Variants in NLRP11 observed in about 807,000 individuals in gnomAD.
The protein encoded by NLRP11 is NACHT, LRR and PYD domains-containing protein 11.
A neutral mutation model predicts 79.3 loss-of-function variants in NLRP11; 53 were observed. The observed-to-expected ratio is 0.67, with a 90% CI of 0.54 to 0.84. The LOEUF is 0.84. NLRP11 is among the 40% of genes least tolerant of loss of function. The pLI is 0.00. For synonymous variants in NLRP11, 518 were observed against 462.6 expected, an observed-to-expected ratio of 1.12 and a Z score of -1.54; for missense variants, 1,264 against 1,255.0, an observed-to-expected ratio of 1.01 and a Z score of -0.11.
chr19:55,811,547 C>G (rs947878601), intron 2 of NLRP11, among the ~76,000 whole-genome samples: 1 of 152,112 alleles, frequency 6.6e-6, no homozygotes, highest in African/African-American at 2.4e-5. Context: ...TGGAGATGAG[C>G]CTGATGGATC....
upstream of NLRP11, among the ~76,000 whole-genome samples, chr19:55,833,699 A>C (rs1250289855): frequency 2.3e-5 from 3 of 131,528 alleles, no homozygotes; most frequent in Non-Finnish European, 4.7e-5. Flanking sequence ...GCCCGGGAGG[A>C]GGAGCTTGCA....
chr19:55,785,953 T>C, intron 9 of NLRP11, 82 bp from the exon 10 acceptor site: 1 of 1,398,654 alleles, frequency 7.1e-7, no homozygotes, highest in Non-Finnish European at 9.8e-7. Flanking sequence ...ATTCCCCATA[T>C]GGCATCCTTT....
At chr19:55,790,692 T>C (rs1344528444) in intron 7 of NLRP11, among the ~76,000 whole-genome samples, 1 of 152,198 alleles carries the variant, frequency 6.6e-6, no homozygotes, top group African/African-American at 2.4e-5. Flanking sequence ...AAAAGTTGGG[T>C]GGTGCATTCC....
rs1165449394 is a variant in NLRP11, at chr19:55,827,503, C to T, written c.-63+4460G>A. ...AACCTACAAAATGGGAGAAAATTTT[C>T]GCAACCTACTCATCTGACAAAGGGC... On this transcript the variant is annotated intron_variant, in intron 1 of 9. Coordinates refer to ENST00000589093, the Ensembl canonical transcript of NLRP11. Among the ~76,000 whole-genome samples the T allele has an allele frequency of 1.5e-4, 23 of 150,372 alleles. No homozygotes were observed. In the East Asian group the frequency reaches 2.2e-3, roughly 14 times the overall value.
chr19:55,795,060 T>A (rs1978694562), intron 6 of NLRP11, among the ~76,000 whole-genome samples: 2 of 152,180 alleles, frequency 1.3e-5, no homozygotes, highest in African/African-American at 4.8e-5. Flanking sequence ...ACCGAGCTAC[T>A]TACTGTTTTG....
chr19:55,797,250 G>T (rs1283003945), intron 5 of NLRP11, among the ~76,000 whole-genome samples: 2 of 152,022 alleles, frequency 1.3e-5, no homozygotes, highest in East Asian at 1.9e-4. Context: ...AGTGAGCTAT[G>T]ATCATACCAA....
At chr19:55,791,932 G>A (rs900696258) in intron 7 of NLRP11, among the ~76,000 whole-genome samples, 9 of 152,092 alleles carry the variant, frequency 5.9e-5, no homozygotes, top group Admixed American at 2.0e-4. Context: ...CCCCATGATC[G>A]CCAACCCCAA....
chr19:55,815,695 G>C (rs1981050100), intron 2 of NLRP11, among the ~76,000 whole-genome samples: 1 of 152,152 alleles, frequency 6.6e-6, no homozygotes, highest in Non-Finnish European at 1.5e-5. Context: ...GTTCCCATTT[G>C]TGTATAAAGA....
Position 55,792,287 on chromosome 19 carries a change from T to C in NLRP11, c.2513+14A>G, listed in dbSNP as rs913380957. The C allele has an allele frequency of 9.9e-6, 16 of 1,611,578 alleles. No homozygotes were observed. Among genetic ancestry groups the C allele is most frequent in the Non-Finnish European group, 1.4e-5 (16 of 1,178,040 alleles). ...TAGAAACACAGTCATCCAGGACAAC[T>C]GTGGGAGACTTACTGAAGCTCCTCT... On this transcript the variant is annotated intron_variant, in intron 7 of 9. Coordinates refer to ENST00000589093, the Ensembl canonical transcript of NLRP11.
At chr19:55,831,684 C>T (rs1173091097) in intron 1 of NLRP11, among the ~76,000 whole-genome samples, 1 of 151,972 alleles carries the variant, frequency 6.6e-6, no homozygotes, top group Non-Finnish European at 1.5e-5. Flanking sequence ...ACCCACAGTG[C>T]ACATACACTT....
Position 55,809,701 on chromosome 19 carries a change from C to A in NLRP11, c.909G>T (p.Gly303=), listed in dbSNP as rs752623615. 6.2e-7 allele frequency: 1 copy of A among 1,614,174 alleles called. No homozygotes were observed. The highest frequency in any genetic ancestry group is 1.1e-5 in the South Asian group (1 of 91,072). The stretch of plus-strand genomic sequence containing the variant: ...AAGAGTTAAAATATATCTCCCTCTT[C>A]CCATTCGACAGCTGCAAGGTCGTGC... The change falls in exon 3 of 10, where the codon GGG becomes GGT. Residue 303 remains glycine (G), a synonymous_variant. Transcript: ENST00000589093. This position sits in a 1 kb window ranked among gnomAD's most constrained non-coding sequence, Gnocchi z 4.5.
At chr19:55,817,820 G>GAAAAAAAAA in intron 2 of NLRP11, 84 bp downstream of exon 2, 1 of 835,516 alleles carries the variant, frequency 1.2e-6, no homozygotes, top group Non-Finnish European at 1.8e-6. Flanking sequence ...AACCTATTTA[G>GAAAAAAAAA]AAAAAAAAAA....
intron 1 of NLRP11, among the ~76,000 whole-genome samples, chr19:55,824,204 A>G (rs1056997213): frequency 6.9e-5 from 10 of 145,602 alleles, no homozygotes; most frequent in African/African-American, 1.8e-4. Context: ...TTTACAGACA[A>G]GCAAATGCTG....
rs536211589 is a variant in NLRP11, at chr19:55,813,092, C to T, written c.272-2754G>A. ...CCTGTAATCACAGCACTTTGGGAGG[C>T]GAAGGCGGGCAGATCACCTGAGGTC... is the stretch of plus-strand genomic sequence containing the variant. On this transcript the variant is annotated intron_variant, in intron 2 of 9. Transcript: ENST00000589093. Among the ~76,000 whole-genome samples the T allele has an allele frequency of 1.9e-4, 29 of 152,210 alleles. 1 individual carries two copies. The East Asian group carries it at 4.6e-3, about 24-fold the overall frequency.
chr19:55,806,559 G>A (rs1159257680), intron 4 of NLRP11, among the ~76,000 whole-genome samples: 3 of 152,072 alleles, frequency 2.0e-5, no homozygotes, highest in Non-Finnish European at 2.9e-5. Context: ...ATTCTCACCT[G>A]GCAAATGCCA....
intron 7 of NLRP11, 54 bp downstream of exon 7, chr19:55,792,247 C>A: frequency 1.3e-6 from 2 of 1,514,524 alleles, no homozygotes; most frequent in Non-Finnish European, 9.1e-7. Context: ...CCCCACCACC[C>A]AAGCCCTCAT....
chr19:55,828,760 G>T lies in NLRP11; in HGVS notation c.-63+3203C>A, dbSNP rs145435831. ...TGATTGGGACTTAATATTTAATTAAGAAATATTTAATCATGCCCTTGTTTC... is the reference window on the plus strand; with the variant it reads ...TGATTGGGACTTAATATTTAATTAATAAATATTTAATCATGCCCTTGTTTC... On this transcript the variant is annotated intron_variant, in intron 1 of 9. Coordinates refer to ENST00000589093, the Ensembl canonical transcript of NLRP11. 2.0e-5 allele frequency among the ~76,000 whole-genome samples: 3 copies of T among 152,262 alleles called. No homozygotes were observed. The East Asian group carries it at 5.8e-4, about 29-fold the overall frequency.
chr19:55,811,968 T>G (rs1258537619), intron 2 of NLRP11, among the ~76,000 whole-genome samples: 1 of 97,918 alleles, frequency 1.0e-5, no homozygotes, highest in African/African-American at 5.4e-5. Flanking sequence ...GTTTCACACA[T>G]GTACACACAC....
At chr19:55,813,907 C>T (rs1980841571) in intron 2 of NLRP11, among the ~76,000 whole-genome samples, 1 of 152,066 alleles carries the variant, frequency 6.6e-6, no homozygotes, top group African/African-American at 2.4e-5. Context: ...CATTGAAACC[C>T]TCAGTAGATA....
Sources: allele counts gnomAD v4.1 joint callset (sites outside exome capture counted in the v4.1 genomes callset), GRCh38; gene constraint gnomAD v4.1.1; non-coding constraint Gnocchi (gnomAD v3.1); transcripts MANE v1.5; gene names NCBI Gene and HGNC (gene_info 2026-07-23, HGNC 2026-07-21).